The following ZNF106 variants were observed in gnomAD, a reference collection of about 807,000 sequenced individuals.
The protein encoded by ZNF106 is zinc finger protein 106.
Under a neutral mutation model 195.1 loss-of-function variants are expected in ZNF106, and 67 were observed. The ratio of observed to expected loss-of-function variants is 0.34; its 90% CI spans 0.28 to 0.42. The LOEUF (loss-of-function observed/expected upper bound fraction) is 0.42, where lower values mean the gene tolerates loss of function less well. ZNF106 is among the 10% of genes least tolerant of loss of function. ZNF106 has a pLI of 1.00. For synonymous variants in ZNF106, 784 were observed against 818.6 expected (o/e 0.96, Z 0.72); for missense variants, 2,118 against 2,304.5 (o/e 0.92, Z 1.66).
chr15:42,441,936 T>A, intron 10 of ZNF106, 137 bp downstream of exon 10: 1 of 613,410 alleles, frequency 1.6e-6, no homozygotes, highest in South Asian at 2.4e-5. Context: ...CCTGTATATA[T>A]GAAGAGAATT....
At chr15:42,467,492 G>A (rs963441720) in intron 2 of ZNF106, among the ~76,000 whole-genome samples, 4 of 152,012 alleles carry the variant, frequency 2.6e-5, no homozygotes, top group African/African-American at 7.2e-5. Context: ...AAGGTTAAGC[G>A]TGAAAATATT....
In ZNF106 at chr15:42,424,976, C is replaced by G; in HGVS notation, c.5048G>C (p.Ser1683Thr). Residue 1683 changes from serine (S) to threonine (T), a missense_variant, in exon 16 of 22, where the codon AGC becomes ACC. Transcript: ENST00000564754. Reference protein sequence around the residue: ...IFECHGPRAVSCLATAQEGAR... With the variant: ...IFECHGPRAVTCLATAQEGAR... ...ACCTTCCTGAGCTGTAGCAAGACAG[C>G]TGACTGCCCGAGGGCCATGGCATTC... The G allele has an allele frequency of 1.2e-6, 2 of 1,614,202 alleles. No individual in the cohort carries two copies. Among genetic ancestry groups the G allele is most frequent in the South Asian group, 1.1e-5 (1 of 91,078 alleles).
chr15:42,443,185 AT>A (rs2055621472), intron 9 of ZNF106, among the ~76,000 whole-genome samples: 1 of 152,114 alleles, frequency 6.6e-6, no homozygotes. Flanking sequence ...AATTTTTCAA[AT>A]TTTAAATGAC....
chr15:42,430,600 T>C (rs1212001631), intron 14 of ZNF106, among the ~76,000 whole-genome samples: 2 of 151,908 alleles, frequency 1.3e-5, no homozygotes, highest in Non-Finnish European at 2.9e-5. Flanking sequence ...GCCTAGGCTG[T>C]TCTTGAACTC....
chr15:42,450,442 T>C lies in ZNF106; in HGVS notation c.1830A>G (p.Glu610=), dbSNP rs2055961974. ...CAGATGTCTCTCCATCACTTTCATC[T>C]TCTAGTGCGTGCACTTGAAACTCAA... ...LKIEFQVHAL[E]DESDGETSDT... is the part of the protein sequence containing the mutation. The change falls in exon 5 of 22, where the codon GAA becomes GAG. Residue 610 remains glutamate (E), a synonymous_variant. Transcript: ENST00000564754. 4 of 1,614,204 alleles carry C rather than the reference T, an allele frequency of 2.5e-6. No individual in the cohort carries two copies. Among genetic ancestry groups the C allele is most frequent in the Non-Finnish European group, 3.4e-6 (4 of 1,180,044 alleles).
chr15:42,476,639 C>A (rs910967956), intron 1 of ZNF106, among the ~76,000 whole-genome samples: 1 of 151,904 alleles, frequency 6.6e-6, no homozygotes, highest in African/African-American at 2.4e-5. Flanking sequence ...AATCTTTATC[C>A]ATTTTGTATA....
At chr15:42,474,134 C>T (rs977155913) in intron 1 of ZNF106, among the ~76,000 whole-genome samples, 12 of 152,134 alleles carry the variant, frequency 7.9e-5, no homozygotes, top group African/African-American at 2.7e-4. Context: ...TCCAGATAAG[C>T]CCTCTTCAAC....
At chr15:42,445,578 C>T (rs1311854430) in intron 7 of ZNF106, among the ~76,000 whole-genome samples, 2 of 152,238 alleles carry the variant, frequency 1.3e-5, no homozygotes, top group Non-Finnish European at 2.9e-5. Flanking sequence ...TCCACACCCA[C>T]ATATCCAACT....
intron 20 of ZNF106, among the ~76,000 whole-genome samples, chr15:42,420,485 C>A (rs542882769): frequency 1.3e-5 from 2 of 152,126 alleles, no homozygotes; most frequent in East Asian, 3.9e-4. Flanking sequence ...AAGCTGTGGG[C>A]AAGCGTAAAG....
Position 42,449,916 on chromosome 15 carries a change from G to T in ZNF106, c.2356C>A (p.His786Asn). 1 of 1,614,096 alleles carries T rather than the reference G, an allele frequency of 6.2e-7. No individual in the cohort carries two copies. Among genetic ancestry groups the T allele is most frequent in the South Asian group, 1.1e-5 (1 of 91,054 alleles). ...TCCTTCTCTGTCTCACTCTTTCGGT[G>T]ACCGCTAATATTGCGAATGCGGCGG... is the stretch of plus-strand genomic sequence containing the variant. ...SARRIRNISG[H>N]RKSETEKESG... The change falls in exon 5 of 22, where the codon CAC becomes AAC. Residue 786 changes from histidine (H) to asparagine (N), a missense_variant. By Grantham distance (68) the His-to-Asn change is moderately conservative. Transcript: ENST00000564754.
At chr15:42,441,462 A>G (rs1352039345) in intron 10 of ZNF106, among the ~76,000 whole-genome samples, 1 of 152,200 alleles carries the variant, frequency 6.6e-6, no homozygotes, top group Non-Finnish European at 1.5e-5. Flanking sequence ...AAACCACACA[A>G]TGCCAGTTTG....
intron 20 of ZNF106, among the ~76,000 whole-genome samples, chr15:42,418,892 G>C (rs760450102): frequency 5.3e-5 from 8 of 151,512 alleles, no homozygotes; most frequent in Non-Finnish European, 1.2e-4. Context: ...TATAAACGTG[G>C]CTTAATTTCA....
chr15:42,487,483 C>T (rs576339715), intron 1 of ZNF106, among the ~76,000 whole-genome samples: 3 of 115,696 alleles, frequency 2.6e-5, no homozygotes, highest in East Asian at 2.0e-4. Context: ...TGAGCAAGAC[C>T]CTGTCTCAAA....
chr15:42,476,616 C>T (rs2056789885), intron 1 of ZNF106, among the ~76,000 whole-genome samples: 1 of 152,054 alleles, frequency 6.6e-6, no homozygotes, highest in African/African-American at 2.4e-5. Context: ...TCATTGTTAA[C>T]AGTACATTTA....
chr15:42,476,194 G>C (rs1393821379), intron 1 of ZNF106, among the ~76,000 whole-genome samples: 1 of 152,100 alleles, frequency 6.6e-6, no homozygotes, highest in Non-Finnish European at 1.5e-5. Flanking sequence ...AATCGATAAG[G>C]AAGATTTAGT....
At chr15:42,486,055 T>A (rs2057008213) in intron 1 of ZNF106, among the ~76,000 whole-genome samples, 1 of 151,834 alleles carries the variant, frequency 6.6e-6, no homozygotes, top group African/African-American at 2.4e-5. Flanking sequence ...CCTCCCGGGT[T>A]CAATCGATTC....
rs2055844746 is a variant in ZNF106 at position 42,448,268 on chromosome 15, C to T, written c.2939G>A (p.Ser980Asn). 1.9e-6 allele frequency: 3 copies of T among 1,614,206 alleles called. No individual in the cohort carries two copies. Among genetic ancestry groups the T allele is most frequent in the Non-Finnish European group, 2.5e-6 (3 of 1,180,036 alleles). The change falls in exon 6 of 22, where the codon AGC becomes AAC. Residue 980 changes from serine (S) to asparagine (N), a missense_variant. Ser to Asn is a conservative substitution (Grantham distance 46). Coordinates refer to ENST00000564754, the MANE Select transcript of ZNF106 (RefSeq NM_001366845.3). ...PLMHLAKDLNSQERSIPPSEN... is the reference protein window; with the variant it reads ...PLMHLAKDLNNQERSIPPSEN... ...TGACGGTGGTATAGACCTCTCCTGG[C>T]TGTTCAAGTCTTTTGCCAAATGCAT...
intron 10 of ZNF106, 34 bp downstream of exon 10, chr15:42,442,039 G>A (rs1567009932): frequency 6.5e-7 from 1 of 1,541,912 alleles, no homozygotes; most frequent in Non-Finnish European, 8.8e-7. Context: ...TCTCACTACT[G>A]GGATGCCCTT....
At chr15:42,428,955 C>G (rs572705581) in intron 14 of ZNF106, among the ~76,000 whole-genome samples, 6 of 151,238 alleles carry the variant, frequency 4.0e-5, no homozygotes, top group Non-Finnish European at 8.8e-5. Context: ...TTAGTAGAGA[C>G]GGGGTTTCAT....
Sources: gnomAD v4.1 joint callset for allele counts (sites outside exome capture counted in the v4.1 genomes callset) on GRCh38, gnomAD v4.1.1 for gene constraint, MANE v1.5 for transcripts, NCBI Gene and HGNC (gene_info 2026-07-23, HGNC 2026-07-21) for gene names.